The following HNRNPUL2 variants were observed in gnomAD, a reference collection of about 807,000 sequenced individuals.
HNRNPUL2 encodes the protein heterogeneous nuclear ribonucleoprotein U-like protein 2.
In HNRNPUL2, 27 loss-of-function variants were observed where a neutral mutation model predicts 102.2. The ratio of observed to expected loss-of-function variants is 0.26; its 90% confidence interval spans 0.19 to 0.36. The LOEUF (loss-of-function observed/expected upper bound fraction) is 0.36, where lower values mean the gene tolerates loss of function less well. Ranked by LOEUF, HNRNPUL2 falls within the 10% of genes least tolerant of loss-of-function variation. HNRNPUL2 has a pLI of 1.00. For missense variants in HNRNPUL2, 936 were observed against 981.1 expected (o/e 0.95, Z 0.61); for synonymous variants, 458 against 387.2 (o/e 1.18, Z -2.15).
At position 62,722,272 on chromosome 11, in the gene HNRNPUL2, G is replaced by C; in HGVS notation, c.1204C>G (p.His402Asp). ...ACAACACAATTTTTGCAGAGGACAT[G>C]GGGTAGAAGGGCCCGGTCTGCCAGG... is the stretch of plus-strand genomic sequence containing the variant. Reference protein sequence around the residue: ...DSLADRALLPHVLCKNCVVEL... With the variant: ...DSLADRALLPDVLCKNCVVEL... The change falls in exon 7 of 14, where the codon CAT becomes GAT. Residue 402 changes from histidine to aspartate, a missense_variant. This residue lies in a region of HNRNPUL2 where 609 missense variants were observed against 713.0 expected (regional missense o/e 0.85). Coordinates refer to ENST00000301785, the MANE Select transcript of HNRNPUL2 (RefSeq NM_001079559.3). 6.2e-7 allele frequency: 1 copy of C among 1,614,140 alleles called. No homozygotes were observed. The highest frequency in any genetic ancestry group is 8.5e-7 in the Non-Finnish European group (1 of 1,180,040).
chr11:62,726,881 G>T lies in HNRNPUL2; in HGVS notation c.276C>A (p.Asp92Glu). 2 of 1,577,272 alleles carry T rather than the reference G, an allele frequency of 1.3e-6. No homozygotes were observed. The highest frequency in any genetic ancestry group is 1.7e-6 in the Non-Finnish European group (2 of 1,170,934). Reference sequence around the variant, plus strand: ...GAGCAGGGGGTGGCTCCTCGTCCTCGTCCTCAAGCAGCGCCTCCTCGTCCT... The same window carrying T: ...GAGCAGGGGGTGGCTCCTCGTCCTCTTCCTCAAGCAGCGCCTCCTCGTCCT... ...EEEDEEALLE[D>E]EDEEPPPAQA... The change falls in exon 1 of 14, where the codon GAC becomes GAA. Residue 92 changes from aspartate to glutamate, a missense_variant. By Grantham distance (45) the Asp-to-Glu change is conservative (BLOSUM62 2). Coordinates refer to ENST00000301785, the MANE Select transcript of HNRNPUL2 (RefSeq NM_001079559.3).
chr11:62,720,849 G>T (rs1474395252), intron 9 of HNRNPUL2, among the ~76,000 whole-genome samples: 1 of 114,782 alleles, frequency 8.7e-6, no homozygotes, highest in Non-Finnish European at 1.7e-5. Flanking sequence ...GGGCGACAGA[G>T]CGAGACTCGG....
chr11:62,716,900 T>C lies in HNRNPUL2; in HGVS notation c.1981+89A>G, dbSNP rs78169156. On this transcript the variant is annotated intron_variant, in intron 11 of 13. Coordinates refer to ENST00000301785, the MANE Select transcript of HNRNPUL2 (RefSeq NM_001079559.3). ...CTTCCGTATTGTTAATGACCTGACTTGGTTTCCTTGGCCTTCCCTTGCACA... is the reference window on the plus strand; with the variant it reads ...CTTCCGTATTGTTAATGACCTGACTCGGTTTCCTTGGCCTTCCCTTGCACA... The C allele has an allele frequency of 8.7e-4, 1,186 of 1,355,614 alleles. 4 individuals are homozygous for C. In the Middle Eastern group the frequency reaches 0.01, roughly 12 times the overall value. 84.0% of individuals were successfully genotyped at this position (1,355,614 alleles called of 1,614,324 possible).
Position 62,715,732 on chromosome 11 carries a change from T to C in HNRNPUL2, c.2056-125A>G, listed in dbSNP as rs1358498501. Reference sequence around the variant, plus strand: ...ATAAATTGGTTTAATTTTCCCATAGTAAATCTTCCAGAACATATTAAATGG... The same window carrying C: ...ATAAATTGGTTTAATTTTCCCATAGCAAATCTTCCAGAACATATTAAATGG... On this transcript the variant is annotated intron_variant, in intron 12 of 13. Transcript: ENST00000301785. 34 of 1,143,200 alleles carry C rather than the reference T, an allele frequency of 3.0e-5. No individual in the cohort carries two copies. In the South Asian group the frequency reaches 3.9e-4, roughly 13 times the overall value. The allele number at this position is 1,143,200 out of a possible 1,614,324, so 70.8% of individuals were successfully genotyped here. A position where few individuals can be genotyped will look rare whatever the true frequency, so the allele number is the denominator to read the frequency against.
At position 62,721,945 on chromosome 11, in the gene HNRNPUL2, G is replaced by A. The variant is rs2134777603; in HGVS notation, c.1360-3C>T. 3.1e-6 allele frequency: 5 copies of A among 1,610,870 alleles called. No homozygotes were observed. The highest frequency in any genetic ancestry group is 4.2e-6 in the Non-Finnish European group (5 of 1,179,230). ...GGTAGTCCCACCATCAGAATCACCT[G>A]CAAAAAACAGAACCAGAAATATAAT... is the stretch of plus-strand genomic sequence containing the variant. On this transcript the variant is annotated splice_polypyrimidine_tract_variant and splice_region_variant and intron_variant, in intron 7 of 13. Coordinates refer to ENST00000301785, the MANE Select transcript of HNRNPUL2 (RefSeq NM_001079559.3).
In HNRNPUL2 at chr11:62,726,602, G is replaced by C. The variant is rs1565164619; in HGVS notation, c.538+17C>G. ...CAGCCGGCAGGTTGGAGCCGGGCTCGGCTGCCAGCTCCTCACCCTGTTCCT... is the reference window on the plus strand; with the variant it reads ...CAGCCGGCAGGTTGGAGCCGGGCTCCGCTGCCAGCTCCTCACCCTGTTCCT... On this transcript the variant is annotated intron_variant, in intron 1 of 13. Transcript: ENST00000301785. 5 of 1,532,994 alleles carry C rather than the reference G, an allele frequency of 3.3e-6. No individual in the cohort carries two copies. The highest frequency in any genetic ancestry group is 4.4e-6 in the Non-Finnish European group (5 of 1,144,304). 95.0% of individuals were successfully genotyped at this position (1,532,994 alleles called of 1,614,324 possible). A position where few individuals can be genotyped will look rare whatever the true frequency, so the allele number is the denominator to read the frequency against.
rs902736130 is a variant in HNRNPUL2 at position 62,713,984 on chromosome 11, C to T, written c.*1315G>A. On this transcript the variant is annotated 3_prime_UTR_variant, in exon 14 of 14. Transcript: ENST00000301785. Reference sequence around the variant, plus strand: ...AACTATCCCAACTGAAGGCTCCTGGCTAGAGGCCTCTCTGGGGACACACAG... The same window carrying T: ...AACTATCCCAACTGAAGGCTCCTGGTTAGAGGCCTCTCTGGGGACACACAG... 4 of 152,190 alleles carry T rather than the reference C, an allele frequency of 2.6e-5. No homozygotes were observed. Among genetic ancestry groups the T allele is most frequent in the African/African-American group, 9.7e-5 (4 of 41,422 alleles). 9.4% of individuals were successfully genotyped at this position (152,190 alleles called of 1,614,324 possible). A position where few individuals can be genotyped will look rare whatever the true frequency, so the allele number is the denominator to read the frequency against.
At chr11:62,717,232 A>T in intron 10 of HNRNPUL2, 43 bp from the exon 11 acceptor site, 1 of 1,450,202 alleles carries the variant, frequency 6.9e-7, no homozygotes, top group Non-Finnish European at 9.6e-7. Flanking sequence ...AAAAGTGCAT[A>T]GATGGGTAAG....
At chr11:62,719,964 C>T (rs943135064) in intron 10 of HNRNPUL2, 59 bp downstream of exon 10, 20 of 1,501,494 alleles carry the variant, frequency 1.3e-5, no homozygotes, top group Non-Finnish European at 1.8e-5. Context: ...CTATTACTTA[C>T]AAATTATGAA....
In HNRNPUL2 at chr11:62,721,382, T is replaced by C. The variant is rs373033882; in HGVS notation, c.1524A>G (p.Arg508=). The C allele has an allele frequency of 1.1e-4, 170 of 1,609,700 alleles. No homozygotes were observed. Among genetic ancestry groups the C allele is most frequent in the Non-Finnish European group, 1.3e-4 (154 of 1,178,548 alleles). ...LEEPEMDPKS[R]DLLVQQASQC... ...GGGAGGCTTGCTGAACTAAAAGGTCTCGGCTTTTGGGGTCCATCTCTGGCT... is the reference window on the plus strand; with the variant it reads ...GGGAGGCTTGCTGAACTAAAAGGTCCCGGCTTTTGGGGTCCATCTCTGGCT... The change falls in exon 9 of 14, where the codon CGA becomes CGG. Residue 508 remains arginine (R), a synonymous_variant. Transcript: ENST00000301785.
Position 62,727,097 on chromosome 11 carries a change from C to T in HNRNPUL2, c.60G>A (p.Leu20=). Residue 20 remains leucine, a synonymous_variant, in exon 1 of 14, where the codon CTG becomes CTA. Coordinates refer to ENST00000301785, the MANE Select transcript of HNRNPUL2 (RefSeq NM_001079559.3). ...ELRSELQRRG[L]DSRGLKVDLA... ...GATCCACCTTGAGGCCGCGCGAGTC[C>T]AGGCCCCGCCGCTGCAGCTCCGACC... The T allele has an allele frequency of 6.9e-7, 1 of 1,448,368 alleles. No individual in the cohort carries two copies. The highest frequency in any genetic ancestry group is 3.1e-5 in the East Asian group (1 of 32,332). The allele number at this position is 1,448,368 out of a possible 1,614,324, so 89.7% of individuals were successfully genotyped here.
At chr11:62,724,054 G>A (rs1487773920) in intron 2 of HNRNPUL2, 64 bp from the exon 3 acceptor site, 2 of 1,343,160 alleles carry the variant, frequency 1.5e-6, no homozygotes, top group East Asian at 2.3e-5. Flanking sequence ...AGGGGTGTGT[G>A]TGTATGACAT....
chr11:62,726,550 G>A (rs568818749), intron 1 of HNRNPUL2, 69 bp downstream of exon 1: 163 of 1,414,216 alleles, frequency 1.2e-4, no homozygotes, highest in Admixed American at 3.7e-4. Flanking sequence ...ACCCTGCGGT[G>A]CAGGGCGGGG....
rs1485656725 is a variant in HNRNPUL2, at chr11:62,714,362, TC to T, written c.*936del. ...AGCTGAAACCCTGAGAAACGTTCCT[TC>T]TCTCGCACTGTAAGAGGACAGACAC... is the stretch of plus-strand genomic sequence containing the variant. On this transcript the variant is annotated 3_prime_UTR_variant, in exon 14 of 14. Coordinates refer to ENST00000301785, the MANE Select transcript of HNRNPUL2 (RefSeq NM_001079559.3). The T allele has an allele frequency of 6.6e-6, 1 of 152,114 alleles. No homozygotes were observed. The highest frequency in any genetic ancestry group is 1.5e-5 in the Non-Finnish European group (1 of 68,034). 9.4% of individuals were successfully genotyped at this position (152,114 alleles called of 1,614,324 possible). A position where few individuals can be genotyped will look rare whatever the true frequency, so the allele number is the denominator to read the frequency against.
Position 62,727,139 on chromosome 11 carries a change from C to G in HNRNPUL2, c.18G>C (p.Leu6=). 4 of 1,446,678 alleles carry G rather than the reference C, an allele frequency of 2.8e-6. No homozygotes were observed. The highest frequency in any genetic ancestry group is 3.6e-6 in the Non-Finnish European group (4 of 1,102,200). 89.6% of individuals were successfully genotyped at this position (1,446,678 alleles called of 1,614,324 possible). MEVKR[L]KVTELRSELQ... ...GCTCCGACCGCAGCTCGGTCACTTT[C>G]AGCCGCTTCACCTCCATCGCCGCCG... is the stretch of plus-strand genomic sequence containing the variant. The change falls in exon 1 of 14, where the codon CTG becomes CTC. Residue 6 remains leucine, a synonymous_variant. Coordinates refer to ENST00000301785, the MANE Select transcript of HNRNPUL2 (RefSeq NM_001079559.3).
Position 62,714,658 on chromosome 11 carries a change from G to A in HNRNPUL2, c.*641C>T, listed in dbSNP as rs1391322111. The A allele has an allele frequency of 6.6e-6, 1 of 152,344 alleles. No homozygotes were observed. Among genetic ancestry groups the A allele is most frequent in the African/African-American group, 2.4e-5 (1 of 41,436 alleles). The allele number at this position is 152,344 out of a possible 1,614,324, so 9.4% of individuals were successfully genotyped here. A position where few individuals can be genotyped will look rare whatever the true frequency, so the allele number is the denominator to read the frequency against. The stretch of plus-strand genomic sequence containing the variant: ...CTCAGCCAAACAGCACAAAGGCACA[G>A]GAAAATGGAGAGTTGGGACACTGTA... On this transcript the variant is annotated 3_prime_UTR_variant, in exon 14 of 14. Transcript: ENST00000301785.
intron 9 of HNRNPUL2, among the ~76,000 whole-genome samples, chr11:62,720,977 C>T (rs2083698408): frequency 6.6e-6 from 1 of 151,732 alleles, no homozygotes; most frequent in African/African-American, 2.4e-5. Flanking sequence ...CAGGTATTAT[C>T]CTGTTTTGCT....
At chr11:62,724,151 G>A in intron 2 of HNRNPUL2, 140 bp downstream of exon 2, 1 of 1,226,804 alleles carries the variant, frequency 8.2e-7, no homozygotes, top group Non-Finnish European at 1.2e-6. Flanking sequence ...GAGTTTCCAT[G>A]GTAGATGCAA....
At position 62,721,143 on chromosome 11, in the gene HNRNPUL2, C is replaced by T. The variant is rs1013732606; in HGVS notation, c.1611+152G>A. The T allele has an allele frequency of 6.1e-6, 4 of 659,816 alleles. No homozygotes were observed. In the South Asian group the frequency reaches 8.1e-5, roughly 13 times the overall value. The allele number at this position is 659,816 out of a possible 1,614,324, so 40.9% of individuals were successfully genotyped here. ...GTCCATATATTTTCAAGTAAAAACA[C>T]TAATTAGGGGTACCTCTGAGTTCAA... On this transcript the variant is annotated intron_variant, in intron 9 of 13. Coordinates refer to ENST00000301785, the MANE Select transcript of HNRNPUL2 (RefSeq NM_001079559.3).
Sources: gnomAD v4.1 joint callset for allele counts (sites outside exome capture counted in the v4.1 genomes callset) on GRCh38, gnomAD v4.1.1 for gene constraint, gnomAD v4.1.1 regional missense constraint, MANE v1.5 for transcripts, NCBI Gene and HGNC (gene_info 2026-07-23, HGNC 2026-07-21) for gene names.